FER1L6: variants seen among roughly 807,000 people sequenced by gnomAD.
FER1L6 encodes the protein fer-1-like protein 6.
Under a neutral mutation model 219.2 loss-of-function variants are expected in FER1L6, and 177 were observed. The ratio of observed to expected loss-of-function variants is 0.81; its 90% CI spans 0.71 to 0.91. FER1L6 has a LOEUF of 0.91. Ranked by LOEUF, FER1L6 falls within the 40% of genes least tolerant of loss-of-function variation. FER1L6 has a pLI of 0.00. For synonymous variants in FER1L6, 768 were observed against 824.3 expected (o/e 0.93, Z 1.17); for missense variants, 2,153 against 2,259.9 (o/e 0.95, Z 0.96).
intron 22 of FER1L6, among the ~76,000 whole-genome samples, chr8:124,057,483 A>T (rs1468212848): frequency 6.6e-6 from 1 of 152,162 alleles, no homozygotes; most frequent in Non-Finnish European, 1.5e-5. Flanking sequence ...TAGAGCTTTT[A>T]AAACCCTGGC....
intron 1 of FER1L6, among the ~76,000 whole-genome samples, chr8:123,885,952 C>T (rs1476936090): frequency 6.6e-6 from 1 of 152,186 alleles, no homozygotes; most frequent in African/African-American, 2.4e-5. Context: ...TGTTTTCTCA[C>T]TTCTGGGACT....
At chr8:123,862,764 C>A (rs1287757569) in intron 1 of FER1L6, among the ~76,000 whole-genome samples, 4 of 114,732 alleles carry the variant, frequency 3.5e-5, no homozygotes, top group African/African-American at 8.1e-5. Context: ...AGTTTATTTG[C>A]GTAGAGGTGT....
At chr8:123,887,225 C>T (rs1817219344) in intron 1 of FER1L6, among the ~76,000 whole-genome samples, 1 of 152,146 alleles carries the variant, frequency 6.6e-6, no homozygotes, top group Non-Finnish European at 1.5e-5. Flanking sequence ...CTGCAGCACC[C>T]AGTAAAGCCT....
rs1015524795 is a variant in FER1L6, at chr8:123,977,546, G to A, written c.1000G>A (p.Val334Ile). The change falls in exon 10 of 41, where the codon GTA (valine) becomes ATA (isoleucine). Residue 334 changes from valine (V) to isoleucine (I), a missense_variant. Val to Ile is a conservative substitution (Grantham distance 29). Transcript: ENST00000522917. ...QVWDEGSMND[V>I]ALATHFIDLK... Reference sequence around the variant, plus strand: ...GTGGGATGAAGGCAGCATGAATGACGTAGCCCTGGCAACCCATTTCATTGA... The same window carrying A: ...GTGGGATGAAGGCAGCATGAATGACATAGCCCTGGCAACCCATTTCATTGA... The A allele has an allele frequency of 5.0e-6, 8 of 1,614,090 alleles. No individual in the cohort carries two copies. Among genetic ancestry groups the A allele is most frequent in the South Asian group, 3.3e-5 (3 of 91,078 alleles).
At chr8:123,878,024 T>C (rs138389138) in intron 1 of FER1L6, among the ~76,000 whole-genome samples, 364 of 152,290 alleles carry the variant, frequency 2.4e-3, no homozygotes, top group Middle Eastern at 0.01. Flanking sequence ...TCTATTCTAA[T>C]AAAATGGAGG....
intron 15 of FER1L6, among the ~76,000 whole-genome samples, chr8:124,015,111 C>A (rs1427479468): frequency 6.6e-6 from 1 of 152,130 alleles, no homozygotes; most frequent in Non-Finnish European, 1.5e-5. Context: ...TTCATTAGAG[C>A]CAGCAAGCAC....
intron 1 of FER1L6, among the ~76,000 whole-genome samples, chr8:123,887,834 T>A (rs1246255300): frequency 6.6e-6 from 1 of 152,190 alleles, no homozygotes; most frequent in Non-Finnish European, 1.5e-5. Context: ...TCATATGTAT[T>A]TTTTCCTGTT....
chr8:124,003,719 G>A (rs1044443366), intron 13 of FER1L6, among the ~76,000 whole-genome samples: 2 of 151,844 alleles, frequency 1.3e-5, no homozygotes, highest in Non-Finnish European at 2.9e-5. Context: ...CTCCTGCCTC[G>A]GCCTCCTGAA....
intron 6 of FER1L6, among the ~76,000 whole-genome samples, chr8:123,972,367 C>A (rs1035635552): frequency 6.6e-6 from 1 of 152,230 alleles, no homozygotes; most frequent in Non-Finnish European, 1.5e-5. Context: ...TATTGAATAT[C>A]TATTGTGAAC....
At chr8:123,911,575 C>T (rs1346207851) in intron 1 of FER1L6, among the ~76,000 whole-genome samples, 3 of 152,172 alleles carry the variant, frequency 2.0e-5, no homozygotes, top group Non-Finnish European at 4.4e-5. Flanking sequence ...GTCTTTCTGG[C>T]TCTGCATTCT....
chr8:123,896,900 T>A (rs1355637685), intron 1 of FER1L6, among the ~76,000 whole-genome samples: 1 of 152,210 alleles, frequency 6.6e-6, no homozygotes, highest in African/African-American at 2.4e-5. Context: ...GATAGGCTTC[T>A]GAAACTTAAC....
At chr8:124,079,649 T>A (rs796106992) in intron 32 of FER1L6, among the ~76,000 whole-genome samples, 2 of 152,164 alleles carry the variant, frequency 1.3e-5, no homozygotes, top group Non-Finnish European at 2.9e-5. Context: ...ACAGGGTGCA[T>A]GACCCTGTTT....
intron 26 of FER1L6, among the ~76,000 whole-genome samples, chr8:124,065,103 G>A (rs963939943): frequency 6.6e-6 from 1 of 152,066 alleles, no homozygotes; most frequent in African/African-American, 2.4e-5. Flanking sequence ...TTTTAAGAAT[G>A]TCTTAAGGGG....
intron 1 of FER1L6, among the ~76,000 whole-genome samples, chr8:123,937,054 C>T (rs899920636): frequency 6.6e-6 from 1 of 152,136 alleles, no homozygotes; most frequent in Non-Finnish European, 1.5e-5. Flanking sequence ...TACAGGTGCC[C>T]ACCACCATGC....
intron 1 of FER1L6, among the ~76,000 whole-genome samples, chr8:123,886,560 T>C (rs1448987516): frequency 6.6e-6 from 1 of 152,240 alleles, no homozygotes; most frequent in African/African-American, 2.4e-5. Flanking sequence ...TGCAGAAGTG[T>C]GAGCCTAATA....
At chr8:123,986,211 C>T (rs369625284) in intron 12 of FER1L6, 35 bp downstream of exon 12, 266 of 1,256,512 alleles carry the variant, frequency 2.1e-4, no homozygotes, top group Non-Finnish European at 3.1e-4. Context: ...AGGCACATAG[C>T]ATGGATTTAG....
chr8:123,886,759 T>C (rs1563673756), intron 1 of FER1L6, among the ~76,000 whole-genome samples: 1 of 152,194 alleles, frequency 6.6e-6, no homozygotes, highest in Non-Finnish European at 1.5e-5. Context: ...CACTATTATA[T>C]GTATATAGCC....
intron 30 of FER1L6, among the ~76,000 whole-genome samples, chr8:124,071,267 A>G (rs748008896): frequency 5.9e-5 from 9 of 152,336 alleles, no homozygotes; most frequent in Non-Finnish European, 8.8e-5. Flanking sequence ...TGTTCTTCAT[A>G]TAACAGTCCT....
intron 15 of FER1L6, among the ~76,000 whole-genome samples, chr8:124,015,699 CTGTT>C (rs1818171920): frequency 6.7e-6 from 1 of 149,006 alleles, no homozygotes; most frequent in African/African-American, 2.5e-5. Flanking sequence ...CTTTTAGAAA[CTGTT>C]TATGAGCAAA....
Sources: gnomAD v4.1 joint callset for allele counts (sites outside exome capture counted in the v4.1 genomes callset) on GRCh38, gnomAD v4.1.1 for gene constraint, MANE v1.5 for transcripts, NCBI Gene and HGNC (gene_info 2026-07-23, HGNC 2026-07-21) for gene names.